PCDH9: variants seen among roughly 807,000 people sequenced by gnomAD.
The protein encoded by PCDH9 is protocadherin 9.
Under a neutral mutation model 70.6 loss-of-function variants are expected in PCDH9, and 24 were observed. The ratio of observed to expected loss-of-function variants is 0.34; its 90% CI spans 0.25 to 0.48. The LOEUF is 0.48. PCDH9 is among the 20% of genes least tolerant of loss of function. The probability of loss-of-function intolerance (pLI) is 0.99; values close to 1 mark genes in which losing one functional copy is unlikely to be tolerated. For missense variants in PCDH9, 1,281 were observed against 1,503.6 expected, an observed-to-expected ratio of 0.85 and a Z score of 2.45; for synonymous variants, 562 against 558.5, an observed-to-expected ratio of 1.01 and a Z score of -0.09.
intron 4 of PCDH9, among the ~76,000 whole-genome samples, chr13:66,327,650 A>G (rs567764845): frequency 9.2e-5 from 14 of 152,318 alleles, no homozygotes; most frequent in African/African-American, 3.4e-4. Context: ...CTGTGCTATT[A>G]TAGGAGTGGA....
At chr13:66,559,805 A>AAG (rs1961917165) in intron 4 of PCDH9, among the ~76,000 whole-genome samples, 1 of 58,584 alleles carries the variant, frequency 1.7e-5, no homozygotes, top group Non-Finnish European at 3.5e-5. Context: ...ATCTCAAAAA[A>AAG]AAAAAAAAAA....
At chr13:66,902,480 T>A (rs1179834851) in intron 3 of PCDH9, among the ~76,000 whole-genome samples, 2 of 151,520 alleles carry the variant, frequency 1.3e-5, no homozygotes, top group African/African-American at 4.8e-5. Context: ...CAATAATTAT[T>A]ACAATTTTTT....
intron 2 of PCDH9, among the ~76,000 whole-genome samples, chr13:67,075,671 G>A (rs575058202): frequency 4.0e-5 from 6 of 151,826 alleles, no homozygotes; most frequent in African/African-American, 7.3e-5. Flanking sequence ...ATACATAACC[G>A]AATACATTCT....
intron 3 of PCDH9, among the ~76,000 whole-genome samples, chr13:66,737,233 T>G (rs1370471106): frequency 6.6e-6 from 1 of 152,196 alleles, no homozygotes; most frequent in Non-Finnish European, 1.5e-5. Context: ...AACACGTGAT[T>G]GCTTGCATTT....
At chr13:66,385,443 G>C (rs184252031) in intron 4 of PCDH9, among the ~76,000 whole-genome samples, 1 of 151,992 alleles carries the variant, frequency 6.6e-6, no homozygotes, top group African/African-American at 2.4e-5. Context: ...CGTCTAGCCC[G>C]CCCTATCCTC....
chr13:67,172,827 G>A (rs371934219), intron 2 of PCDH9, among the ~76,000 whole-genome samples: 5 of 135,214 alleles, frequency 3.7e-5, no homozygotes, highest in South Asian at 4.6e-4. Flanking sequence ...GCGGTGAGGC[G>A]AGATCACGCC....
chr13:66,318,778 C>CT (rs886382588), intron 4 of PCDH9, among the ~76,000 whole-genome samples: 15 of 152,236 alleles, frequency 9.9e-5, no homozygotes, highest in Admixed American at 8.5e-4. Flanking sequence ...TATGGTTAAT[C>CT]ACATTTGCTT....
intron 2 of PCDH9, among the ~76,000 whole-genome samples, chr13:66,922,687 C>T (rs1297542369): frequency 1.3e-5 from 2 of 151,388 alleles, no homozygotes; most frequent in Non-Finnish European, 3.0e-5. Context: ...ATTTATAATG[C>T]TATCTGTTCC....
intron 3 of PCDH9, among the ~76,000 whole-genome samples, chr13:66,851,957 A>G (rs9540935): frequency 0.05 from 7,656 of 151,874 alleles, 280 homozygotes; most frequent in East Asian, 0.14. Flanking sequence ...TCTTTTCCCT[A>G]TGTCTTCATA....
At chr13:66,878,901 C>T (rs1398821072) in intron 3 of PCDH9, among the ~76,000 whole-genome samples, 1 of 152,146 alleles carries the variant, frequency 6.6e-6, no homozygotes, top group African/African-American at 2.4e-5. Flanking sequence ...GGGTTCTTTT[C>T]TATTGGGCGT....
chr13:66,522,169 G>A (rs1960025109), intron 4 of PCDH9, among the ~76,000 whole-genome samples: 1 of 151,054 alleles, frequency 6.6e-6, no homozygotes, highest in Non-Finnish European at 1.5e-5. Flanking sequence ...TACCAATGTA[G>A]AAAACCCTTC....
intron 2 of PCDH9, among the ~76,000 whole-genome samples, chr13:66,954,412 C>A (rs2083234481): frequency 6.6e-6 from 1 of 152,126 alleles, no homozygotes; most frequent in Admixed American, 6.5e-5. Context: ...TCAGATTTAA[C>A]CTGGGCCCAT....
chr13:66,390,835 G>T (rs996280457), intron 4 of PCDH9, among the ~76,000 whole-genome samples: 25 of 152,030 alleles, frequency 1.6e-4, no homozygotes, highest in African/African-American at 5.3e-4. Flanking sequence ...GATAAGCATA[G>T]AAACTGCTAT....
At chr13:66,581,593 C>A (rs1043592539) in intron 4 of PCDH9, among the ~76,000 whole-genome samples, 3 of 152,122 alleles carry the variant, frequency 2.0e-5, no homozygotes, top group Non-Finnish European at 2.9e-5. Flanking sequence ...AAGGACGTTA[C>A]TTCAAACTTA....
At chr13:67,030,917 A>G (rs899146555) in intron 2 of PCDH9, among the ~76,000 whole-genome samples, 2 of 152,208 alleles carry the variant, frequency 1.3e-5, no homozygotes, top group African/African-American at 4.8e-5. Flanking sequence ...CATTCAGAGT[A>G]ATCTATTCAT....
At chr13:66,910,671 A>G (rs1455908675) in intron 2 of PCDH9, among the ~76,000 whole-genome samples, 2 of 152,148 alleles carry the variant, frequency 1.3e-5, no homozygotes, top group Admixed American at 6.5e-5. Flanking sequence ...CTACTTTTAT[A>G]TGCTATTCCA....
At chr13:66,696,889 C>G (rs1225668169) in intron 3 of PCDH9, among the ~76,000 whole-genome samples, 1 of 148,500 alleles carries the variant, frequency 6.7e-6, no homozygotes, top group African/African-American at 2.5e-5. Flanking sequence ...TTGCTTGAGT[C>G]CAGGAGTTCA....
intron 4 of PCDH9, among the ~76,000 whole-genome samples, chr13:66,405,183 C>T (rs1483936077): frequency 6.6e-6 from 1 of 152,088 alleles, no homozygotes; most frequent in African/African-American, 2.4e-5. Flanking sequence ...TCCTCCATCT[C>T]CCCTCATCTT....
At chr13:67,019,449 C>A (rs1203987397) in intron 2 of PCDH9, among the ~76,000 whole-genome samples, 2 of 152,030 alleles carry the variant, frequency 1.3e-5, no homozygotes, top group Non-Finnish European at 2.9e-5. Context: ...CCCGCCTCAG[C>A]CTCCCAAAGT....
Sources: gnomAD v4.1 joint callset for allele counts (sites outside exome capture counted in the v4.1 genomes callset) on GRCh38, gnomAD v4.1.1 for gene constraint, MANE v1.5 for transcripts, NCBI Gene and HGNC (gene_info 2026-07-23, HGNC 2026-07-21) for gene names.